Variants in GSE1 observed in about 807,000 individuals in gnomAD.
GSE1 encodes the protein Gse1 coiled-coil protein, also known as genetic suppressor element 1.
A neutral mutation model predicts 112.6 loss-of-function variants in GSE1; 32 were observed. That is an observed-to-expected ratio of 0.28 (90% CI 0.21 to 0.38). The LOEUF (loss-of-function observed/expected upper bound fraction) is 0.38, where lower values mean the gene tolerates loss of function less well. Among genes scored for constraint, GSE1 ranks in the 10% least tolerant of loss-of-function variants. The pLI is 1.00. For synonymous variants in GSE1, 1,115 were observed against 735.6 expected (o/e 1.52, Z -8.35); for missense variants, 2,348 against 1,699.2 (o/e 1.38, Z -6.71).
chr16:85,244,603 A>C (rs564308467), intron 1 of GSE1, among the ~76,000 whole-genome samples: 1 of 152,314 alleles, frequency 6.6e-6, no homozygotes, highest in African/African-American at 2.4e-5. Flanking sequence ...TAATCCTAGC[A>C]CGATGGGAGG....
chr16:85,555,082 G>C, upstream of GSE1: 27 of 985,394 alleles, frequency 2.7e-5, no homozygotes, highest in Non-Finnish European at 3.3e-5. Flanking sequence ...GCTGTTGGAA[G>C]ATGCCGCGTA....
rs1226408375 is a variant in GSE1 at position 85,373,512 on chromosome 16, G to A, written c.2464+15869G>A. ...CCATTTGTGAAGTAGGGATGCTGTGGCAGCTGCCTCCCGGGGCCCCTGGGA... is the reference window on the plus strand; with the variant it reads ...CCATTTGTGAAGTAGGGATGCTGTGACAGCTGCCTCCCGGGGCCCCTGGGA... On this transcript the variant is annotated intron_variant, in intron 2 of 2. Transcript: ENST00000637419. This position sits in a 1 kb window ranked among gnomAD's most constrained non-coding sequence, Gnocchi z 5.1. Among the ~76,000 whole-genome samples the A allele has an allele frequency of 6.6e-6, 1 of 152,130 alleles. No homozygotes were observed. The highest frequency in any genetic ancestry group is 1.9e-4 in the East Asian group (1 of 5,170).
intron 1 of GSE1, among the ~76,000 whole-genome samples, chr16:85,632,775 G>GC (rs1044484096): frequency 1.3e-4 from 19 of 151,740 alleles, no homozygotes; most frequent in African/African-American, 2.2e-4. Context: ...TGGCCCCAGC[G>GC]CCCCCCCGCC....
Position 85,464,576 on chromosome 16 carries a change from C to T in GSE1, c.2464+106933C>T, listed in dbSNP as rs1419785552. 2.6e-5 allele frequency among the ~76,000 whole-genome samples: 4 copies of T among 152,304 alleles called. No homozygotes were observed. The East Asian group carries it at 7.7e-4, about 29-fold the overall frequency. The stretch of plus-strand genomic sequence containing the variant: ...ATGCGGTGTCTGGGAGTCTCTGTTT[C>T]CCCCGAGGGGTGATGGTCATGCCGG... On this transcript the variant is annotated intron_variant, in intron 2 of 2. Coordinates refer to the GSE1 transcript ENST00000637419.
At chr16:85,174,033 G>C (rs1343912370) in intron 1 of GSE1, among the ~76,000 whole-genome samples, 2 of 152,204 alleles carry the variant, frequency 1.3e-5, no homozygotes, top group African/African-American at 4.8e-5. Context: ...TTTTGAACCT[G>C]CTTCTGCTCC....
At position 85,535,948 on chromosome 16, in the gene GSE1, C is replaced by A. The variant is rs77986207; in HGVS notation, c.2465-97966C>A. ...GTATACCCGGAAAGCATTTATTGAG[C>A]ACCTGCCATACACAGGCTCTAGGCC... is the stretch of plus-strand genomic sequence containing the variant. On this transcript the variant is annotated intron_variant, in intron 2 of 2. Transcript: ENST00000637419. Among the ~76,000 whole-genome samples the A allele has an allele frequency of 7.9e-3, 1,202 of 152,370 alleles. 14 individuals carry two copies. The highest frequency in any genetic ancestry group is 0.027 in the African/African-American group (1,120 of 41,580).
chr16:85,196,404 AGAGC>A (rs1180133399), intron 1 of GSE1, among the ~76,000 whole-genome samples: 1 of 151,998 alleles, frequency 6.6e-6, no homozygotes, highest in East Asian at 1.9e-4. Flanking sequence ...GGGAGAGGAG[AGAGC>A]AGGGAAGGGA....
chr16:85,556,961 T>C (rs1249203456), intron 1 of GSE1, among the ~76,000 whole-genome samples: 2 of 151,764 alleles, frequency 1.3e-5, no homozygotes, highest in African/African-American at 4.8e-5. Context: ...TTAACCTTCC[T>C]GCGCGGTGAC....
chr16:85,287,919 G>T lies in GSE1; in HGVS notation c.2284-69544G>T, dbSNP rs180873276. Among the ~76,000 whole-genome samples, 559 of 152,300 alleles carry T rather than the reference G, an allele frequency of 3.7e-3. 2 individuals carry two copies. The highest frequency in any genetic ancestry group is 0.011 in the African/African-American group (476 of 41,572). ...CACAGTAGGCACGGAAGTATTTGTGGAAGGAAGAAATGGAGATCATCATGA... is the reference window on the plus strand; with the variant it reads ...CACAGTAGGCACGGAAGTATTTGTGTAAGGAAGAAATGGAGATCATCATGA... On this transcript the variant is annotated intron_variant, in intron 1 of 2. Coordinates refer to the GSE1 transcript ENST00000637419.
At chr16:85,374,329 G>A (rs932221111) in intron 2 of GSE1, among the ~76,000 whole-genome samples, 1 of 151,324 alleles carries the variant, frequency 6.6e-6, no homozygotes, top group Non-Finnish European at 1.5e-5. Flanking sequence ...GTGTGTCAGT[G>A]TGCCTCTGTG....
chr16:85,391,488 A>T (rs1179280266), intron 2 of GSE1, among the ~76,000 whole-genome samples: 3 of 152,114 alleles, frequency 2.0e-5, no homozygotes, highest in South Asian at 2.1e-4. Flanking sequence ...CCAGCCGGCG[A>T]TGCTTCCTGC....
rs577103222 is a variant in GSE1 at position 85,201,716 on chromosome 16, C to T, written c.2283+29909C>T. The stretch of plus-strand genomic sequence containing the variant: ...CTGGGCCGCTGACCACTGACTCAAG[C>T]CCTGGCTGGGTCCTGGCCGTGCCCC... On this transcript the variant is annotated intron_variant, in intron 1 of 2. Transcript: ENST00000637419. Among the ~76,000 whole-genome samples the T allele has an allele frequency of 2.6e-5, 4 of 152,192 alleles. No individual in the cohort carries two copies. The East Asian group carries it at 7.7e-4, about 29-fold the overall frequency.
intron 1 of GSE1, among the ~76,000 whole-genome samples, chr16:85,558,736 T>A (rs2045363497): frequency 6.6e-6 from 1 of 152,224 alleles, no homozygotes; most frequent in African/African-American, 2.4e-5. Flanking sequence ...CCACTGGGGT[T>A]TTACACTTTA....
At chr16:85,305,393 C>T (rs2045649384) in intron 1 of GSE1, among the ~76,000 whole-genome samples, 1 of 152,182 alleles carries the variant, frequency 6.6e-6, no homozygotes, top group Non-Finnish European at 1.5e-5. Flanking sequence ...CAAGTGATCC[C>T]CCTGCCTTAG....
intron 3 of GSE1, 131 bp downstream of exon 3, chr16:85,648,882 CG>C (rs2051102432): frequency 9.3e-6 from 5 of 536,084 alleles, no homozygotes; most frequent in African/African-American, 2.0e-5. Context: ...CCTGAGTTTC[CG>C]TCTCCTTCTC....
At chr16:85,479,167 G>A (rs1307991250) in intron 2 of GSE1, among the ~76,000 whole-genome samples, 2 of 141,826 alleles carry the variant, frequency 1.4e-5, no homozygotes, top group East Asian at 2.1e-4. Flanking sequence ...GACTATAGGC[G>A]CCCGCCACCA....
intron 2 of GSE1, among the ~76,000 whole-genome samples, chr16:85,520,188 C>G (rs2052133169): frequency 1.3e-5 from 2 of 152,232 alleles, no homozygotes; most frequent in South Asian, 4.2e-4. Flanking sequence ...TGGATGGTGC[C>G]CTCTCGCTGT....
intron 1 of GSE1, among the ~76,000 whole-genome samples, chr16:85,178,110 G>A (rs1026864447): frequency 3.9e-5 from 6 of 152,208 alleles, no homozygotes; most frequent in East Asian, 1.9e-4. Flanking sequence ...AGGTCCAGCC[G>A]TGGTTGTGCA....
At chr16:85,428,682 C>A (rs2049048682) in intron 2 of GSE1, among the ~76,000 whole-genome samples, 1 of 152,170 alleles carries the variant, frequency 6.6e-6, no homozygotes, top group South Asian at 2.1e-4. Flanking sequence ...TAAGCCCTCC[C>A]CTGAACTGGA....
Sources: gnomAD v4.1 joint callset for allele counts (sites outside exome capture counted in the v4.1 genomes callset) on GRCh38, gnomAD v4.1.1 for gene constraint, Gnocchi (gnomAD v3.1) non-coding constraint, MANE v1.5 for transcripts, NCBI Gene and HGNC (gene_info 2026-07-23, HGNC 2026-07-21) for gene names.